Variants in SGCD observed in about 807,000 individuals in gnomAD.
SGCD encodes delta-sarcoglycan.
SGCD carries 18 observed loss-of-function variants against 36.6 expected under a neutral mutation model. The ratio of observed to expected loss-of-function variants is 0.49; its 90% confidence interval spans 0.34 to 0.73. The LOEUF is 0.73. SGCD is among the 30% of genes least tolerant of loss of function. The probability of loss-of-function intolerance (pLI) is 0.01; values close to 1 mark genes in which losing one functional copy is unlikely to be tolerated. For synonymous variants in SGCD, 133 were observed against 130.6 expected, an observed-to-expected ratio of 1.02 and a Z score of -0.12; for missense variants, 387 against 346.7, an observed-to-expected ratio of 1.12 and a Z score of -0.92.
rs1263196178 is a variant in SGCD at position 156,057,656 on chromosome 5, C to T, written c.-281-60222C>T. 2.1e-5 allele frequency among the ~76,000 whole-genome samples: 3 copies of T among 146,156 alleles called. 1 individual carries two copies. Among genetic ancestry groups the T allele is most frequent in the African/African-American group, 7.4e-5 (3 of 40,718 alleles). On this transcript the variant is annotated intron_variant, in intron 1 of 9. Transcript: ENST00000517913. ...GAACTGAAAGGGACCATCATCTTGCCATGTCAGAAAACAGAACAAATTACA... is the reference window on the plus strand; with the variant it reads ...GAACTGAAAGGGACCATCATCTTGCTATGTCAGAAAACAGAACAAATTACA...
At chr5:156,436,897 G>A (rs546713821) in intron 3 of SGCD, among the ~76,000 whole-genome samples, 11 of 152,280 alleles carry the variant, frequency 7.2e-5, no homozygotes, top group Admixed American at 1.3e-4. Flanking sequence ...TCATGAAAGT[G>A]TCAGGGTGCT....
chr5:155,950,417 G>T (rs769845112), intron 1 of SGCD, among the ~76,000 whole-genome samples: 1 of 152,106 alleles, frequency 6.6e-6, no homozygotes. Flanking sequence ...TGTCTACGGC[G>T]AGGAGAAGGA....
chr5:156,118,816 G>C (rs1194097646), intron 2 of SGCD, among the ~76,000 whole-genome samples: 2 of 152,214 alleles, frequency 1.3e-5, no homozygotes, highest in East Asian at 3.9e-4. Context: ...AAATCCAGCA[G>C]TACAGATTTT....
chr5:156,360,244 AAT>A (rs1491144251), intron 3 of SGCD, among the ~76,000 whole-genome samples: 2 of 117,848 alleles, frequency 1.7e-5, no homozygotes, highest in South Asian at 3.1e-4. Context: ...ACCCTTTCCT[AAT>A]TTTTTTTTTT....
At chr5:156,562,713 C>T (rs80275589) in intron 4 of SGCD, among the ~76,000 whole-genome samples, 19,306 of 151,766 alleles carry the variant, frequency 0.13, 1,353 homozygotes, top group Admixed American at 0.17. Context: ...TGCAGAAATC[C>T]AGGTAACAGG....
rs558371902 is a variant in SGCD at position 155,990,585 on chromosome 5, C to T, written c.-282+120161C>T. On this transcript the variant is annotated intron_variant, in intron 1 of 9. Transcript: ENST00000517913. ...TTATTACTAATTTACTTGTTGGCTT[C>T]TATCCTTTTCTAGTCATATAAAATA... 3.3e-5 allele frequency among the ~76,000 whole-genome samples: 5 copies of T among 152,220 alleles called. No homozygotes were observed. The South Asian group carries it at 1.0e-3, about 32-fold the overall frequency.
chr5:155,797,652 A>G, the SGCD span, among the ~76,000 whole-genome samples: 8 of 152,332 alleles, frequency 5.3e-5, no homozygotes, highest in East Asian at 1.5e-3. Flanking sequence ...CCCGAGTTCT[A>G]ATTTTGGCTC....
intron 3 of SGCD, among the ~76,000 whole-genome samples, chr5:156,186,374 C>A (rs762895080): frequency 5.9e-5 from 9 of 152,076 alleles, no homozygotes; most frequent in Non-Finnish European, 1.2e-4. Flanking sequence ...GGTCTGTTGT[C>A]CTTTGAAGAT....
At chr5:156,677,916 T>G (rs1288010704) in intron 7 of SGCD, among the ~76,000 whole-genome samples, 1 of 152,196 alleles carries the variant, frequency 6.6e-6, no homozygotes, top group African/African-American at 2.4e-5. Flanking sequence ...AACACCTATC[T>G]CCATGGCCTT....
In SGCD at chr5:155,975,260, C is replaced by T. The variant is rs117538725; in HGVS notation, c.-282+104836C>T. 1.9e-3 allele frequency among the ~76,000 whole-genome samples: 286 copies of T among 152,288 alleles called. 2 individuals carry two copies. The East Asian group carries it at 0.021, about 11-fold the overall frequency. ...CATTTATTGAAGGCCTATTGGGGGC[C>T]TATTGACAATTAGGGTGATTAAATA... On this transcript the variant is annotated intron_variant, in intron 1 of 9. Transcript: ENST00000517913.
chr5:156,155,214 G>A (rs923013557), intron 3 of SGCD, among the ~76,000 whole-genome samples: 8 of 151,308 alleles, frequency 5.3e-5, no homozygotes, highest in South Asian at 2.1e-4. Context: ...CTATCTATCC[G>A]TCCATCTGTC....
chr5:156,481,023 A>G (rs1755401781), intron 3 of SGCD, among the ~76,000 whole-genome samples: 1 of 152,236 alleles, frequency 6.6e-6, no homozygotes, highest in Non-Finnish European at 1.5e-5. Context: ...AGTTTTGAAC[A>G]TATTTCTGAA....
intron 4 of SGCD, among the ~76,000 whole-genome samples, chr5:156,540,895 G>C (rs558088293): frequency 6.6e-6 from 1 of 152,108 alleles, no homozygotes; most frequent in South Asian, 2.1e-4. Flanking sequence ...TTTTTTAAAA[G>C]ATAAACATTT....
intron 7 of SGCD, among the ~76,000 whole-genome samples, chr5:156,718,104 G>C (rs1755308988): frequency 6.6e-6 from 1 of 152,076 alleles, no homozygotes; most frequent in Non-Finnish European, 1.5e-5. Context: ...CTCTTCCAAA[G>C]ATGCTTACTG....
chr5:156,442,042 C>T (rs1362343246), intron 3 of SGCD, among the ~76,000 whole-genome samples: 1 of 152,126 alleles, frequency 6.6e-6, no homozygotes, highest in African/African-American at 2.4e-5. Context: ...CCACTTTGGC[C>T]TCAAATAATG....
intron 4 of SGCD, among the ~76,000 whole-genome samples, chr5:156,523,249 A>T (rs1757486977): frequency 6.6e-6 from 1 of 152,168 alleles, no homozygotes; most frequent in Admixed American, 6.6e-5. Context: ...TAATTTTTTA[A>T]TGATATGTTT....
chr5:156,332,393 G>A (rs1184737529), intron 2 of SGCD, among the ~76,000 whole-genome samples: 12 of 152,198 alleles, frequency 7.9e-5, no homozygotes, highest in African/African-American at 2.9e-4. Flanking sequence ...AGTGGCTGGT[G>A]GCCTGTGGTC....
chr5:155,948,724 A>G (rs1422065447), intron 1 of SGCD, among the ~76,000 whole-genome samples: 2 of 152,208 alleles, frequency 1.3e-5, no homozygotes, highest in Non-Finnish European at 2.9e-5. Flanking sequence ...GGAGAGAATC[A>G]GAAGACCTTA....
chr5:155,865,805 T>A (rs1327875642), upstream of SGCD, among the ~76,000 whole-genome samples: 1 of 152,240 alleles, frequency 6.6e-6, no homozygotes, highest in Non-Finnish European at 1.5e-5. Context: ...GTTGCTCACA[T>A]TGGCAGATGT....
Sources: gnomAD v4.1 joint callset for allele counts (sites outside exome capture counted in the v4.1 genomes callset) on GRCh38, gnomAD v4.1.1 for gene constraint, MANE v1.5 for transcripts, NCBI Gene and HGNC (gene_info 2026-07-23, HGNC 2026-07-21) for gene names.